Variants in CEP350 observed in about 807,000 individuals in gnomAD.
The protein encoded by CEP350 is centrosomal protein 350.
A neutral mutation model predicts 331.8 loss-of-function variants in CEP350; 126 were observed. That is an observed-to-expected ratio of 0.38 (90% CI 0.33 to 0.44). CEP350 has a LOEUF of 0.44. Ranked by LOEUF, CEP350 falls within the 20% of genes least tolerant of loss-of-function variation. The pLI, the probability that CEP350 is intolerant of heterozygous loss-of-function variation, is 1.00. For missense variants in CEP350, 3,406 were observed against 3,634.6 expected (o/e 0.94, Z 1.62); for synonymous variants, 1,200 against 1,259.5 (o/e 0.95, Z 1.00).
At position 180,090,104 on chromosome 1, in the gene CEP350, A is replaced by G. The variant is rs183069507; in HGVS notation, c.6426-610A>G. ...AGAGAGAGACAAATTTTCTTCCTGC[A>G]GACAGGAGGAAAGGCAGTTAGGATG... On this transcript the variant is annotated intron_variant, in intron 32 of 37. Transcript: ENST00000367607. 3.0e-3 allele frequency among the ~76,000 whole-genome samples: 458 copies of G among 152,328 alleles called. 2 individuals carry two copies. The highest frequency in any genetic ancestry group is 4.7e-3 in the Non-Finnish European group (319 of 68,032).
At chr1:180,074,724 T>C (rs1161170637) in intron 27 of CEP350, among the ~76,000 whole-genome samples, 1 of 152,220 alleles carries the variant, frequency 6.6e-6, no homozygotes, top group Non-Finnish European at 1.5e-5. Flanking sequence ...AATATCTAAA[T>C]ATGAACATTA....
chr1:180,020,511 G>A lies in CEP350; in HGVS notation c.2737G>A (p.Val913Ile), dbSNP rs1190954953. The A allele has an allele frequency of 1.9e-6, 3 of 1,613,832 alleles. No individual in the cohort carries two copies. Among genetic ancestry groups the A allele is most frequent in the East Asian group, 2.2e-5 (1 of 44,892 alleles). The stretch of plus-strand genomic sequence containing the variant: ...AACTTTTGATGATGATCTTCCTGGT[G>A]TAGGCAATCTTAGTGAATTTAAAAA... The part of the protein sequence containing the change: ...HATFDDDLPG[V>I]GNLSEFKKLP... Residue 913 changes from valine (V) to isoleucine (I), a missense_variant, in exon 12 of 38, where the codon GTA (valine) becomes ATA (isoleucine). Physicochemically the swap from Val to Ile is conservative, Grantham distance 29 (BLOSUM62 3). Transcript: ENST00000367607.
chr1:180,043,922 ATGTGTTGTAAGTTAT>A, intron 20 of CEP350, 114 bp from the exon 21 acceptor site: 1 of 772,160 alleles, frequency 1.3e-6, no homozygotes, highest in Non-Finnish European at 1.9e-6. Context: ...ATATTCTTTA[ATGTGTTGTAAGTTAT>A]TTTATAATAT....
At chr1:180,055,176 T>C (rs1657737621) in intron 25 of CEP350, among the ~76,000 whole-genome samples, 1 of 152,196 alleles carries the variant, frequency 6.6e-6, no homozygotes, top group Non-Finnish European at 1.5e-5. Flanking sequence ...CAATGGTAAG[T>C]GCTCAATAAA....
chr1:179,967,018 TTTGA>T (rs2148568808), intron 1 of CEP350, among the ~76,000 whole-genome samples: 1 of 152,294 alleles, frequency 6.6e-6, no homozygotes, highest in South Asian at 2.1e-4. Flanking sequence ...TTTAACAGAA[TTTGA>T]TTGAGCAAAG....
intron 32 of CEP350, among the ~76,000 whole-genome samples, chr1:180,089,685 G>T (rs896022460): frequency 1.3e-5 from 2 of 152,152 alleles, no homozygotes; most frequent in Admixed American, 1.3e-4. Flanking sequence ...TTGGGTCAAG[G>T]TTTCATTAAT....
chr1:180,110,913 G>A (rs1265053369), intron 37 of CEP350, 84 bp from the exon 38 acceptor site: 2 of 1,145,744 alleles, frequency 1.7e-6, no homozygotes, highest in Non-Finnish European at 2.6e-6. Context: ...GTATTCCTAT[G>A]GATAGGACTA....
chr1:180,069,487 A>T (rs969778866), intron 27 of CEP350, among the ~76,000 whole-genome samples: 10 of 152,212 alleles, frequency 6.6e-5, no homozygotes, highest in African/African-American at 2.4e-4. Flanking sequence ...AATTGAATAG[A>T]AATTTCTTAG....
chr1:179,966,277 C>T (rs1651005763), intron 1 of CEP350, among the ~76,000 whole-genome samples: 1 of 152,158 alleles, frequency 6.6e-6, no homozygotes, highest in Admixed American at 6.5e-5. Context: ...TGCACACCAA[C>T]AGGCATCCCT....
chr1:180,060,208 C>G (rs1180984477), intron 25 of CEP350, among the ~76,000 whole-genome samples: 1 of 152,178 alleles, frequency 6.6e-6, no homozygotes, highest in East Asian at 1.9e-4. Context: ...AACAGGGTCT[C>G]AAGACTTCCA....
intron 14 of CEP350, among the ~76,000 whole-genome samples, chr1:180,025,412 TC>T (rs1435015952): frequency 6.6e-6 from 1 of 152,174 alleles, no homozygotes; most frequent in Non-Finnish European, 1.5e-5. Flanking sequence ...TGTAGCTGAC[TC>T]ATTGGCATTC....
chr1:180,105,114 T>C (rs1661071095), intron 37 of CEP350, among the ~76,000 whole-genome samples: 1 of 151,954 alleles, frequency 6.6e-6, no homozygotes, highest in Admixed American at 6.6e-5. Flanking sequence ...CCACCAAATC[T>C]GCTTGGATTA....
intron 7 of CEP350, 120 bp from the exon 8 acceptor site, chr1:180,006,334 T>C (rs1328928059): frequency 4.8e-6 from 3 of 625,500 alleles, no homozygotes; most frequent in Non-Finnish European, 8.7e-6. Flanking sequence ...GTAGCCTCAG[T>C]GTAGGTTTCT....
intron 36 of CEP350, among the ~76,000 whole-genome samples, chr1:180,098,083 G>T (rs60064848): frequency 0.03 from 4,563 of 152,236 alleles, 119 homozygotes; most frequent in South Asian, 0.07. Flanking sequence ...TGATTCTCCT[G>T]CCTCAGCCTC....
chr1:180,039,175 G>A (rs1004091500), intron 17 of CEP350, among the ~76,000 whole-genome samples: 2 of 151,316 alleles, frequency 1.3e-5, no homozygotes, highest in African/African-American at 2.4e-5. Flanking sequence ...CAGGAGAATC[G>A]CTTGAGTCTG....
At chr1:180,056,355 C>T (rs72710643) in intron 25 of CEP350, among the ~76,000 whole-genome samples, 2,298 of 151,704 alleles carry the variant, frequency 0.015, 22 homozygotes, top group Middle Eastern at 0.051. Flanking sequence ...TGCATGTAGG[C>T]GTGGTTTCCT....
At chr1:180,035,324 T>C (rs1205665771) in intron 16 of CEP350, among the ~76,000 whole-genome samples, 1 of 152,178 alleles carries the variant, frequency 6.6e-6, no homozygotes, top group Non-Finnish European at 1.5e-5. Context: ...CAGAAGATAG[T>C]TGATGAAAGT....
intron 1 of CEP350, among the ~76,000 whole-genome samples, chr1:179,955,997 T>C (rs994852816): frequency 6.6e-6 from 1 of 152,214 alleles, no homozygotes; most frequent in African/African-American, 2.4e-5. Context: ...AAGACTATCT[T>C]TGGCAGAGCT....
intron 9 of CEP350, among the ~76,000 whole-genome samples, chr1:180,012,755 A>G (rs1654740425): frequency 6.6e-6 from 1 of 152,238 alleles, no homozygotes; most frequent in Non-Finnish European, 1.5e-5. Flanking sequence ...AATTTGGCAT[A>G]TAGAAGTCAA....
Sources: allele counts gnomAD v4.1 joint callset (sites outside exome capture counted in the v4.1 genomes callset), GRCh38; gene constraint gnomAD v4.1.1; transcripts MANE v1.5; gene names NCBI Gene and HGNC (gene_info 2026-07-23, HGNC 2026-07-21).